SUMF1: variants seen among roughly 807,000 people sequenced by gnomAD.
SUMF1 encodes formylglycine-generating enzyme.
A neutral mutation model predicts 47.6 loss-of-function variants in SUMF1; 48 were observed. The ratio of observed to expected loss-of-function variants is 1.01; its 90% CI spans 0.80 to 1.28. The LOEUF is 1.28. SUMF1 is among the 50% of genes most tolerant of loss of function. The pLI is 0.00. For synonymous variants in SUMF1, 230 were observed against 192.1 expected (o/e 1.20, Z -1.63); for missense variants, 571 against 485.4 (o/e 1.18, Z -1.66).
At chr3:4,345,535 C>T (rs1249484396) in intron 8 of SUMF1, among the ~76,000 whole-genome samples, 1 of 152,154 alleles carries the variant, frequency 6.6e-6, no homozygotes, top group African/African-American at 2.4e-5. Flanking sequence ...CTGAAAGAAG[C>T]ATTAAATATG....
chr3:4,377,323 T>A (rs1039935774), intron 7 of SUMF1, among the ~76,000 whole-genome samples: 31 of 152,040 alleles, frequency 2.0e-4, no homozygotes, highest in Admixed American at 9.8e-4. Context: ...TACAACATGG[T>A]TTATCTTGAA....
At chr3:4,415,440 C>T (rs1313705275) in intron 6 of SUMF1, among the ~76,000 whole-genome samples, 1 of 150,694 alleles carries the variant, frequency 6.6e-6, no homozygotes, top group Non-Finnish European at 1.5e-5. Flanking sequence ...ATAATTCAAC[C>T]ATATATCTGA....
intron 8 of SUMF1, among the ~76,000 whole-genome samples, chr3:4,217,784 G>A (rs1695968617): frequency 6.6e-6 from 1 of 150,414 alleles, no homozygotes; most frequent in Non-Finnish European, 1.5e-5. Flanking sequence ...AAAAGAATAA[G>A]ATATATCCAC....
chr3:4,172,532 T>C (rs559098968), intron 8 of SUMF1, among the ~76,000 whole-genome samples: 9 of 152,314 alleles, frequency 5.9e-5, no homozygotes, highest in African/African-American at 2.2e-4. Context: ...GTAAGATTAT[T>C]AGCTCTGCTT....
intron 8 of SUMF1, among the ~76,000 whole-genome samples, chr3:4,099,685 G>T (rs1271820564): frequency 2.6e-5 from 4 of 151,916 alleles, no homozygotes; most frequent in Non-Finnish European, 4.4e-5. Context: ...GTTTGCTGAG[G>T]ACATGATCTT....
chr3:4,370,635 T>C (rs895775117), intron 8 of SUMF1, among the ~76,000 whole-genome samples: 14 of 152,148 alleles, frequency 9.2e-5, no homozygotes, highest in Admixed American at 7.9e-4. Context: ...AAAAGACATA[T>C]ACAAGAGATT....
chr3:4,246,699 C>G (rs187923154), intron 8 of SUMF1, among the ~76,000 whole-genome samples: 1 of 152,132 alleles, frequency 6.6e-6, no homozygotes, highest in Admixed American at 6.5e-5. Flanking sequence ...CGCACCCAGC[C>G]TTTTTCTCTG....
At chr3:4,124,071 A>C (rs1693602790) in intron 8 of SUMF1, among the ~76,000 whole-genome samples, 4 of 152,192 alleles carry the variant, frequency 2.6e-5, no homozygotes. Context: ...ATAAAACAAG[A>C]GGTTGTGAAT....
chr3:4,272,187 C>T (rs536114079), intron 8 of SUMF1, among the ~76,000 whole-genome samples: 14 of 152,222 alleles, frequency 9.2e-5, no homozygotes, highest in Non-Finnish European at 1.6e-4. Flanking sequence ...TAAAAGATAG[C>T]GATTTGTTGT....
At chr3:4,291,688 G>T (rs754619083) in intron 8 of SUMF1, among the ~76,000 whole-genome samples, 1 of 152,150 alleles carries the variant, frequency 6.6e-6, no homozygotes, top group Non-Finnish European at 1.5e-5. Context: ...TTTGGGGAAA[G>T]ACGAAATTAA....
At chr3:4,330,362 G>GA (rs751337199) in intron 8 of SUMF1, among the ~76,000 whole-genome samples, 3 of 152,244 alleles carry the variant, frequency 2.0e-5, no homozygotes, top group East Asian at 1.9e-4. Context: ...AATTTATACA[G>GA]AAAAAAGAGG....
intron 8 of SUMF1, among the ~76,000 whole-genome samples, chr3:4,306,518 C>A (rs540685986): frequency 1.3e-5 from 2 of 152,298 alleles, no homozygotes; most frequent in African/African-American, 4.8e-5. Flanking sequence ...CTAACTATCT[C>A]TGTATATGCA....
At chr3:4,351,307 G>A (rs183412312) in intron 8 of SUMF1, among the ~76,000 whole-genome samples, 119 of 152,316 alleles carry the variant, frequency 7.8e-4, no homozygotes, top group Middle Eastern at 3.4e-3. Flanking sequence ...CTGAAACTGA[G>A]TCTTAACGAA....
chr3:4,366,476 T>A (rs1177697610), intron 8 of SUMF1, among the ~76,000 whole-genome samples: 7 of 151,632 alleles, frequency 4.6e-5, no homozygotes, highest in African/African-American at 1.7e-4. Flanking sequence ...TCATCTTCCA[T>A]CACTGATACC....
chr3:4,042,909 TC>T (rs1330640393), intron 9 of SUMF1, among the ~76,000 whole-genome samples: 1 of 152,128 alleles, frequency 6.6e-6, no homozygotes, highest in East Asian at 1.9e-4. Flanking sequence ...TCCCATCACC[TC>T]CTAGACCCTC....
chr3:4,107,028 T>G, intron 8 of SUMF1, among the ~76,000 whole-genome samples: 1 of 152,116 alleles, frequency 6.6e-6, no homozygotes, highest in African/African-American at 2.4e-5. Context: ...GAGGGTTTCC[T>G]TTTGTTTCCT....
chr3:4,115,403 C>A (rs1398809603), intron 8 of SUMF1, among the ~76,000 whole-genome samples: 1 of 152,156 alleles, frequency 6.6e-6, no homozygotes, highest in Non-Finnish European at 1.5e-5. Flanking sequence ...TCTGCCCTTG[C>A]AATAAGGCAG....
At chr3:4,441,763 T>C (rs1485090120) in intron 3 of SUMF1, among the ~76,000 whole-genome samples, 1 of 152,198 alleles carries the variant, frequency 6.6e-6, no homozygotes, top group Non-Finnish European at 1.5e-5. Flanking sequence ...TTAAGATATT[T>C]TTACACACAA....
intron 8 of SUMF1, among the ~76,000 whole-genome samples, chr3:4,267,433 T>C (rs532002347): frequency 0.025 from 3,830 of 152,268 alleles, 154 homozygotes; most frequent in African/African-American, 0.087. Context: ...GAGATTCAAC[T>C]TCTTCCTGGT....
Sources: gnomAD v4.1 joint callset for allele counts (sites outside exome capture counted in the v4.1 genomes callset) on GRCh38, gnomAD v4.1.1 for gene constraint, MANE v1.5 for transcripts, NCBI Gene and HGNC (gene_info 2026-07-23, HGNC 2026-07-21) for gene names.